EXOC2: variants seen among roughly 807,000 people sequenced by gnomAD.
EXOC2 encodes the protein SEC5-like 1.
A neutral mutation model predicts 131.8 loss-of-function variants in EXOC2; 70 were observed. The ratio of observed to expected loss-of-function variants is 0.53; its 90% CI spans 0.44 to 0.65. The LOEUF (loss-of-function observed/expected upper bound fraction) is 0.65. Among genes scored for constraint, EXOC2 ranks in the 30% least tolerant of loss-of-function variants. The pLI, the probability that EXOC2 is intolerant of heterozygous loss-of-function variation, is 0.00. For synonymous variants in EXOC2, 411 were observed against 398.4 expected, an observed-to-expected ratio of 1.03 and a Z score of -0.38; for missense variants, 923 against 1,108.6, an observed-to-expected ratio of 0.83 and a Z score of 2.38.
At chr6:631,262 G>T (rs759338748) in intron 3 of EXOC2, among the ~76,000 whole-genome samples, 3 of 152,294 alleles carry the variant, frequency 2.0e-5, no homozygotes, top group South Asian at 4.2e-4. Flanking sequence ...TTTACTGGCC[G>T]GGTGCAGTAG....
chr6:578,384 G>GTT (rs1362930138), intron 11 of EXOC2, among the ~76,000 whole-genome samples: 1 of 152,180 alleles, frequency 6.6e-6, no homozygotes, highest in Non-Finnish European at 1.5e-5. Flanking sequence ...CTCTCAAGAT[G>GTT]TTTACATTCT....
At chr6:547,445 C>T (rs537667629) in intron 22 of EXOC2, among the ~76,000 whole-genome samples, 4 of 152,172 alleles carry the variant, frequency 2.6e-5, no homozygotes, top group Admixed American at 6.5e-5. Context: ...TCTTCAAGTG[C>T]GGAAACAGAG....
intron 23 of EXOC2, among the ~76,000 whole-genome samples, chr6:508,950 G>A (rs1764709398): frequency 6.6e-6 from 1 of 152,210 alleles, no homozygotes; most frequent in Non-Finnish European, 1.5e-5. Flanking sequence ...TGTTTTCAGT[G>A]TTCTGGATTT....
At chr6:620,944 G>A (rs1221102972) in intron 4 of EXOC2, among the ~76,000 whole-genome samples, 2 of 152,128 alleles carry the variant, frequency 1.3e-5, no homozygotes, top group Admixed American at 6.5e-5. Flanking sequence ...AGTCTTGGGG[G>A]CATTTTCACG....
chr6:559,152 T>C (rs1000795891), intron 17 of EXOC2, among the ~76,000 whole-genome samples: 4 of 152,156 alleles, frequency 2.6e-5, no homozygotes, highest in Admixed American at 1.3e-4. Context: ...AATCTCAGAA[T>C]TATCCAAATT....
At chr6:488,953 T>G (rs2127464447) in intron 27 of EXOC2, 26 bp downstream of exon 27, 1 of 1,605,654 alleles carries the variant, frequency 6.2e-7, no homozygotes, top group South Asian at 1.1e-5. Flanking sequence ...TTCAACTGGC[T>G]CCTAAGAACA....
intron 23 of EXOC2, among the ~76,000 whole-genome samples, chr6:528,923 G>A (rs1200886618): frequency 6.6e-6 from 1 of 152,282 alleles, no homozygotes; most frequent in Non-Finnish European, 1.5e-5. Flanking sequence ...CCAAGTGGTG[G>A]TAACTAGCTG....
intron 1 of EXOC2, among the ~76,000 whole-genome samples, chr6:653,045 C>T (rs544951410): frequency 2.6e-5 from 4 of 152,052 alleles, no homozygotes; most frequent in East Asian, 3.8e-4. Flanking sequence ...GTAACTGTTC[C>T]GGGGCACCAC....
intron 21 of EXOC2, among the ~76,000 whole-genome samples, chr6:553,351 T>A (rs903631549): frequency 2.0e-5 from 3 of 151,830 alleles, no homozygotes; most frequent in African/African-American, 7.3e-5. Flanking sequence ...TATATACATA[T>A]GTATATATGC....
intron 17 of EXOC2, among the ~76,000 whole-genome samples, chr6:560,029 G>A (rs1757620387): frequency 6.6e-6 from 1 of 152,194 alleles, no homozygotes; most frequent in Non-Finnish European, 1.5e-5. Flanking sequence ...ATCCCTTCTG[G>A]CCTGTCTTCA....
At position 590,830 on chromosome 6, in the gene EXOC2, G is replaced by A. The variant is rs116324107; in HGVS notation, c.1192+1639C>T. ...TTTTCGTCTTCTTGGGTAAATGCAC[G>A]AGTTCCAAGGGACCACCTGTATGCC... On this transcript the variant is annotated intron_variant, in intron 11 of 27. Transcript: ENST00000230449. 4.2e-3 allele frequency among the ~76,000 whole-genome samples: 638 copies of A among 152,144 alleles called. 2 individuals are homozygous for A. Among genetic ancestry groups the A allele is most frequent in the African/African-American group, 0.015 (604 of 41,502 alleles).
At chr6:662,429 A>G (rs1249218046) in intron 1 of EXOC2, among the ~76,000 whole-genome samples, 1 of 152,254 alleles carries the variant, frequency 6.6e-6, no homozygotes, top group East Asian at 1.9e-4. Context: ...AATAAATTTA[A>G]GAAAATTGAA....
In EXOC2 at chr6:592,505, G is replaced by A; in HGVS notation, c.1156C>T (p.His386Tyr). The A allele has an allele frequency of 6.2e-7, 1 of 1,614,042 alleles. No homozygotes were observed. Among genetic ancestry groups the A allele is most frequent in the African/African-American group, 1.3e-5 (1 of 75,018 alleles). ...AQHKWILQLMHSCKEGYVKDL... is the reference protein window; with the variant it reads ...AQHKWILQLMYSCKEGYVKDL... ...TTCACGTAGCCCTCTTTGCAACTGT[G>A]CATGAGCTGAAGGATCCACTTGTGT... Residue 386 changes from histidine to tyrosine, a missense_variant, in exon 11 of 28, where the codon CAC becomes TAC. Transcript: ENST00000230449.
Position 599,573 on chromosome 6 carries a change from CA to C in EXOC2, c.743-349del, listed in dbSNP as rs148719395. Among the ~76,000 whole-genome samples, 1,249 of 152,262 alleles carry C rather than the reference CA, an allele frequency of 8.2e-3. 18 individuals carry two copies. Among genetic ancestry groups the C allele is most frequent in the African/African-American group, 0.028 (1,161 of 41,548 alleles). On this transcript the variant is annotated intron_variant, in intron 7 of 27. Transcript: ENST00000230449. ...GAACTTCATACAATAGGGTAAAACA[CA>C]CACATACGCATGTATGTGCATACAC...
chr6:502,848 G>A (rs946120352), intron 23 of EXOC2, among the ~76,000 whole-genome samples: 7 of 152,060 alleles, frequency 4.6e-5, no homozygotes, highest in East Asian at 1.9e-4. Flanking sequence ...ACAAAAAAAC[G>A]AAATAACTGC....
intron 7 of EXOC2, among the ~76,000 whole-genome samples, chr6:605,169 G>A (rs142577522): frequency 4.1e-4 from 63 of 152,286 alleles, no homozygotes; most frequent in South Asian, 1.5e-3. Context: ...TCAGAGAGGT[G>A]GTACAACACC....
At chr6:653,497 C>T (rs191424590) in intron 1 of EXOC2, among the ~76,000 whole-genome samples, 72 of 152,354 alleles carry the variant, frequency 4.7e-4, no homozygotes, top group Non-Finnish European at 7.6e-4. Context: ...ACAACATTCC[C>T]TTAAGCCAAA....
chr6:524,290 C>T (rs1765631680), intron 23 of EXOC2: 1 of 152,130 alleles, frequency 6.6e-6, no homozygotes, highest in Admixed American at 6.5e-5. Context: ...GACTACCAAA[C>T]ACCACGGCAC....
At chr6:643,564 T>A (rs1337418492) in intron 1 of EXOC2, among the ~76,000 whole-genome samples, 2 of 151,718 alleles carry the variant, frequency 1.3e-5, no homozygotes, top group Non-Finnish European at 2.9e-5. Flanking sequence ...ACTTAAAATC[T>A]TAGAGAAAAA....
Sources: gnomAD v4.1 joint callset for allele counts (sites outside exome capture counted in the v4.1 genomes callset) on GRCh38, gnomAD v4.1.1 for gene constraint, MANE v1.5 for transcripts, NCBI Gene and HGNC (gene_info 2026-07-23, HGNC 2026-07-21) for gene names.